TWSG1: variants seen among roughly 807,000 people sequenced by gnomAD.
TWSG1 encodes the protein twisted gastrulation protein homolog 1.
TWSG1 carries 15 observed loss-of-function variants against 23.0 expected under a neutral mutation model. The ratio of observed to expected loss-of-function variants is 0.65; its 90% CI spans 0.44 to 1.00. The LOEUF (loss-of-function observed/expected upper bound fraction) is 1.00. TWSG1 is among the 50% of genes least tolerant of loss of function. TWSG1 has a pLI of 0.00. For missense variants in TWSG1, 242 were observed against 278.7 expected, an observed-to-expected ratio of 0.87 and a Z score of 0.94; for synonymous variants, 86 against 92.8, an observed-to-expected ratio of 0.93 and a Z score of 0.42.
At chr18:9,391,297 T>G (rs1473248635) in intron 3 of TWSG1, among the ~76,000 whole-genome samples, 1 of 152,232 alleles carries the variant, frequency 6.6e-6, no homozygotes, top group East Asian at 1.9e-4. Flanking sequence ...TCAGTAATTT[T>G]CTCCACTGAA....
intron 3 of TWSG1, among the ~76,000 whole-genome samples, chr18:9,377,100 T>C (rs73383411): frequency 0.039 from 5,944 of 152,204 alleles, 387 homozygotes; most frequent in African/African-American, 0.14. Context: ...TGGTGTTTCC[T>C]GGGGGGTCCT....
chr18:9,338,058 G>T (rs932683984), intron 2 of TWSG1, among the ~76,000 whole-genome samples: 19 of 152,206 alleles, frequency 1.2e-4, no homozygotes, highest in African/African-American at 4.6e-4. Flanking sequence ...CTCCTGATTA[G>T]CTTCCTTTCT....
chr18:9,391,493 T>C (rs1203738772), intron 3 of TWSG1, among the ~76,000 whole-genome samples: 2 of 152,246 alleles, frequency 1.3e-5, no homozygotes, highest in African/African-American at 4.8e-5. Flanking sequence ...ATCATATCTA[T>C]GGCAGCTATA....
At chr18:9,340,253 A>G (rs1159539818) in intron 2 of TWSG1, among the ~76,000 whole-genome samples, 1 of 151,250 alleles carries the variant, frequency 6.6e-6, no homozygotes, top group Non-Finnish European at 1.5e-5. Flanking sequence ...CTGTAGTCCC[A>G]GCTACTCGGG....
intron 2 of TWSG1, among the ~76,000 whole-genome samples, chr18:9,342,333 C>A (rs529344140): frequency 2.6e-5 from 4 of 152,298 alleles, no homozygotes; most frequent in African/African-American, 9.6e-5. Flanking sequence ...TAGAGCAATG[C>A]CTGGCACGTG....
chr18:9,382,529 A>C (rs1383475296), intron 3 of TWSG1, among the ~76,000 whole-genome samples: 3 of 150,514 alleles, frequency 2.0e-5, no homozygotes, highest in African/African-American at 7.4e-5. Flanking sequence ...TCTCAAAAAA[A>C]AAGGCTGGGT....
At chr18:9,398,472 T>C (rs1435210953) in intron 4 of TWSG1, among the ~76,000 whole-genome samples, 1 of 151,142 alleles carries the variant, frequency 6.6e-6, no homozygotes, top group Non-Finnish European at 1.5e-5. Context: ...TTGTTTGTTT[T>C]TTGAAATGGA....
chr18:9,337,441 T>C (rs756537387), intron 2 of TWSG1, 89 bp downstream of exon 2: 16 of 1,399,386 alleles, frequency 1.1e-5, no homozygotes, highest in Non-Finnish European at 1.5e-5. Flanking sequence ...GCATATATCA[T>C]ATAGAGTAAG....
rs1462186824 is a variant in TWSG1 at position 9,400,240 on chromosome 18, A to C, written c.*713A>C. On this transcript the variant is annotated 3_prime_UTR_variant, in exon 5 of 5. Coordinates refer to ENST00000262120, the MANE Select transcript of TWSG1 (RefSeq NM_020648.6). ...AGGCAGTGATGAAGAATCTTTACCA[A>C]GATTTTCAGGGTGTACCTATGAAAT... 1 of 152,180 alleles carries C rather than the reference A, an allele frequency of 6.6e-6. No individual in the cohort carries two copies. The highest frequency in any genetic ancestry group is 1.5e-5 in the Non-Finnish European group (1 of 68,034). 9.4% of individuals were successfully genotyped at this position (152,180 alleles called of 1,614,324 possible). A position where few individuals can be genotyped will look rare whatever the true frequency, so the allele number is the denominator to read the frequency against.
chr18:9,376,972 G>A (rs1273986345), intron 3 of TWSG1, among the ~76,000 whole-genome samples: 1 of 151,878 alleles, frequency 6.6e-6, no homozygotes, highest in Non-Finnish European at 1.5e-5. Flanking sequence ...TGTTTACACT[G>A]TATTATGTAT....
At chr18:9,364,566 G>A (rs574585886) in intron 3 of TWSG1, among the ~76,000 whole-genome samples, 20 of 152,240 alleles carry the variant, frequency 1.3e-4, no homozygotes, top group African/African-American at 4.1e-4. Context: ...GCCAAGAGGG[G>A]GCGAATCACC....
At chr18:9,372,214 G>A (rs563081923) in intron 3 of TWSG1, among the ~76,000 whole-genome samples, 1 of 150,858 alleles carries the variant, frequency 6.6e-6, no homozygotes, top group Non-Finnish European at 1.5e-5. Context: ...ACATTCCAGG[G>A]CCCACAGTGA....
At chr18:9,345,959 C>T (rs980215705) in intron 2 of TWSG1, among the ~76,000 whole-genome samples, 3 of 152,178 alleles carry the variant, frequency 2.0e-5, no homozygotes, top group African/African-American at 7.2e-5. Context: ...ATACTTGTTA[C>T]TATTGATGAA....
chr18:9,384,781 G>A (rs2040674719), intron 3 of TWSG1, among the ~76,000 whole-genome samples: 1 of 152,064 alleles, frequency 6.6e-6, no homozygotes, highest in Non-Finnish European at 1.5e-5. Flanking sequence ...GAGTAGCTGG[G>A]ACTACAGGCA....
chr18:9,365,352 T>G (rs563976970), intron 3 of TWSG1, among the ~76,000 whole-genome samples: 4 of 151,906 alleles, frequency 2.6e-5, no homozygotes, highest in Non-Finnish European at 5.9e-5. Flanking sequence ...AATAAATAAA[T>G]GTTGAATTCT....
At chr18:9,394,959 A>G (rs938627604) in intron 3 of TWSG1, among the ~76,000 whole-genome samples, 3 of 152,188 alleles carry the variant, frequency 2.0e-5, no homozygotes, top group Non-Finnish European at 4.4e-5. Flanking sequence ...TAACATTGCT[A>G]CCCAATCCAC....
chr18:9,393,295 C>T (rs1010537870), intron 3 of TWSG1, among the ~76,000 whole-genome samples: 2 of 152,222 alleles, frequency 1.3e-5, no homozygotes, highest in Admixed American at 1.3e-4. Context: ...ACTATTGCTA[C>T]TAAACAAGCT....
chr18:9,399,016 A>T (rs1438566153), intron 4 of TWSG1, among the ~76,000 whole-genome samples: 2 of 152,094 alleles, frequency 1.3e-5, no homozygotes, highest in Non-Finnish European at 2.9e-5. Flanking sequence ...TCAAAAAAAA[A>T]AAGGAAATGC....
intron 3 of TWSG1, among the ~76,000 whole-genome samples, chr18:9,366,772 A>G (rs1361201406): frequency 6.6e-6 from 1 of 152,090 alleles, no homozygotes; most frequent in Non-Finnish European, 1.5e-5. Context: ...AATTATTTAG[A>G]TACATTATTT....
Sources: allele counts gnomAD v4.1 joint callset (sites outside exome capture counted in the v4.1 genomes callset), GRCh38; gene constraint gnomAD v4.1.1; transcripts MANE v1.5; gene names NCBI Gene and HGNC (gene_info 2026-07-23, HGNC 2026-07-21).